TMEM230: variants seen among roughly 807,000 people sequenced by gnomAD.
TMEM230 encodes the protein UPF0414 transmembrane protein C20orf30.
A neutral mutation model predicts 15.8 loss-of-function variants in TMEM230; 10 were observed. The ratio of observed to expected loss-of-function variants is 0.63; its 90% CI spans 0.39 to 1.07. TMEM230 has a LOEUF of 1.07. Ranked by LOEUF, TMEM230 falls within the 50% of genes least tolerant of loss-of-function variation. The pLI, the probability that TMEM230 is intolerant of heterozygous loss-of-function variation, is 0.01. For synonymous variants in TMEM230, 67 were observed against 76.9 expected, an observed-to-expected ratio of 0.87 and a Z score of 0.68; for missense variants, 165 against 193.3, an observed-to-expected ratio of 0.85 and a Z score of 0.87.
chr20:5,111,440 C>A, intron 2 of TMEM230: 1 of 165,918 alleles, frequency 6.0e-6, no homozygotes, highest in Non-Finnish European at 1.4e-5. Context: ...GAAACCCTGT[C>A]TCTACTAGAA....
intron 3 of TMEM230, among the ~76,000 whole-genome samples, chr20:5,085,910 G>GT (rs1468230180): frequency 6.6e-6 from 1 of 152,136 alleles, no homozygotes; most frequent in African/African-American, 2.4e-5. Context: ...AAAGCAGGTG[G>GT]TTGTCAGGCC....
intron 3 of TMEM230, among the ~76,000 whole-genome samples, chr20:5,072,334 G>C (rs1200017393): frequency 6.6e-6 from 1 of 152,136 alleles, no homozygotes; most frequent in Non-Finnish European, 1.5e-5. Flanking sequence ...TTACAAACAA[G>C]CATGAGCCTC....
intron 2 of TMEM230, 150 bp from the exon 2 acceptor site, chr20:5,109,595 T>G (rs1193446279): frequency 3.1e-6 from 2 of 652,280 alleles, no homozygotes; most frequent in African/African-American, 1.8e-5. Context: ...CACTGCTAAA[T>G]TTTCATTGTG....
chr20:5,071,943 G>T (rs920321989), intron 3 of TMEM230, among the ~76,000 whole-genome samples: 10 of 152,100 alleles, frequency 6.6e-5, no homozygotes, highest in African/African-American at 2.4e-4. Flanking sequence ...TAGAGATGGG[G>T]TTTCACCATG....
intron 2 of TMEM230, chr20:5,111,081 C>T (rs996035787): frequency 7.3e-5 from 11 of 151,678 alleles, no homozygotes; most frequent in Non-Finnish European, 1.5e-4. Context: ...ATTTGGAAGG[C>T]TGAGGCACGA....
intron 4 of TMEM230, among the ~76,000 whole-genome samples, chr20:5,104,503 C>A (rs950842209): frequency 6.6e-6 from 1 of 152,180 alleles, no homozygotes; most frequent in Admixed American, 6.5e-5. Context: ...ACCATATGAT[C>A]CAGCAATCAC....
At chr20:5,070,305 A>T (rs2088780569) in intron 3 of TMEM230, among the ~76,000 whole-genome samples, 1 of 152,154 alleles carries the variant, frequency 6.6e-6, no homozygotes, top group South Asian at 2.1e-4. Flanking sequence ...CATCCAGTTG[A>T]GTCTTGCGCT....
At chr20:5,097,699 G>C (rs2089703872), downstream of TMEM230, among the ~76,000 whole-genome samples, 2 of 152,122 alleles carry the variant, frequency 1.3e-5, no homozygotes, top group African/African-American at 4.8e-5. Context: ...GCAGTGGTGT[G>C]ATCTAGGCTC....
intron 3 of TMEM230, among the ~76,000 whole-genome samples, chr20:5,072,912 G>C (rs544781639): frequency 5.9e-4 from 87 of 148,488 alleles, no homozygotes; most frequent in African/African-American, 1.9e-3. Context: ...CTGATGACTT[G>C]AGAAACAGGA....
At chr20:5,063,041 A>T in the TMEM230 span, among the ~76,000 whole-genome samples, 1 of 152,132 alleles carries the variant, frequency 6.6e-6, no homozygotes, top group East Asian at 1.9e-4. Flanking sequence ...GAGAGACTCC[A>T]GTGTCTTCAG....
chr20:5,103,047 C>T lies in TMEM230; in HGVS notation c.412-2116G>A, dbSNP rs534874844. ...ACAAAAACCATATGATTATTTCAAT[C>T]GATGCTAGAAAAGCATTTGATAAAA... On this transcript the variant is annotated intron_variant, in intron 4 of 4. Transcript: ENST00000342308. Among the ~76,000 whole-genome samples, 17 of 152,300 alleles carry T rather than the reference C, an allele frequency of 1.1e-4. No individual in the cohort carries two copies. The South Asian group carries it at 1.5e-3, about 13-fold the overall frequency.
chr20:5,102,355 C>G (rs1197699863), intron 4 of TMEM230, among the ~76,000 whole-genome samples: 1 of 152,028 alleles, frequency 6.6e-6, no homozygotes, highest in Non-Finnish European at 1.5e-5. Flanking sequence ...CAGAGAGAAG[C>G]CTGGGACTAG....
intron 4 of TMEM230, among the ~76,000 whole-genome samples, chr20:5,105,130 C>A (rs1228775741): frequency 6.6e-6 from 1 of 152,114 alleles, no homozygotes; most frequent in Non-Finnish European, 1.5e-5. Context: ...ACTAAAAATA[C>A]AAAAATAAGC....
At chr20:5,110,121 A>T (rs1225754666) in intron 2 of TMEM230, among the ~76,000 whole-genome samples, 1 of 151,978 alleles carries the variant, frequency 6.6e-6, no homozygotes. Context: ...CAGTGGGTTG[A>T]TCTCAGCTCA....
downstream of TMEM230, among the ~76,000 whole-genome samples, chr20:5,065,379 G>A (rs937634088): frequency 1.3e-5 from 2 of 152,214 alleles, no homozygotes; most frequent in Non-Finnish European, 2.9e-5. Context: ...AGGAGCAGGG[G>A]CACTGGTGAT....
At chr20:5,111,115 G>C (rs1568511202) in intron 2 of TMEM230, 2 of 151,554 alleles carry the variant, frequency 1.3e-5, no homozygotes, top group Admixed American at 6.6e-5. Flanking sequence ...CTGGGAGACG[G>C]AGGTTACAGT....
chr20:5,093,689 A>G (rs1302690312), intron 3 of TMEM230, among the ~76,000 whole-genome samples: 1 of 151,368 alleles, frequency 6.6e-6, no homozygotes, highest in Non-Finnish European at 1.5e-5. Context: ...GGAGTACACC[A>G]CCATGCCTGG....
intron 3 of TMEM230, among the ~76,000 whole-genome samples, chr20:5,081,873 C>CTTTTTTTTTTT (rs10547417): frequency 4.6e-5 from 2 of 43,864 alleles, no homozygotes; most frequent in African/African-American, 9.7e-5. Context: ...TCTTTTTTTT[C>CTTTTTTTTTTT]TTTTTTTTTT....
intron 3 of TMEM230, among the ~76,000 whole-genome samples, chr20:5,086,904 C>G (rs1199678333): frequency 2.0e-5 from 3 of 150,722 alleles, no homozygotes; most frequent in African/African-American, 7.4e-5. Context: ...ACACAGAGTC[C>G]CACTCTGTCC....
Sources: gnomAD v4.1 joint callset for allele counts (sites outside exome capture counted in the v4.1 genomes callset) on GRCh38, gnomAD v4.1.1 for gene constraint, MANE v1.5 for transcripts, NCBI Gene and HGNC (gene_info 2026-07-23, HGNC 2026-07-21) for gene names.